The following MYPN variants were observed in gnomAD, a reference collection of about 807,000 sequenced individuals.
MYPN encodes the protein sarcomeric protein myopalladin, 145 kDa (MYOP).
Under a neutral mutation model 129.4 loss-of-function variants are expected in MYPN, and 63 were observed. The observed-to-expected ratio is 0.49, with a 90% CI of 0.40 to 0.60. The LOEUF (loss-of-function observed/expected upper bound fraction) is 0.60. Ranked by LOEUF, MYPN falls within the 20% of genes least tolerant of loss-of-function variation. The pLI, the probability that MYPN is intolerant of heterozygous loss-of-function variation, is 0.00. For missense variants in MYPN, 1,596 were observed against 1,635.4 expected, an observed-to-expected ratio of 0.98 and a Z score of 0.42; for synonymous variants, 629 against 600.9, an observed-to-expected ratio of 1.05 and a Z score of -0.68.
intron 6 of MYPN, among the ~76,000 whole-genome samples, chr10:68,154,826 T>G (rs1488288029): frequency 1.3e-5 from 2 of 152,226 alleles, no homozygotes; most frequent in African/African-American, 4.8e-5. Context: ...CAACTCACGT[T>G]TATAGCAGTG....
intron 18 of MYPN, among the ~76,000 whole-genome samples, chr10:68,203,716 C>CAGAGAGAGAGAG (rs1281760692): frequency 1.3e-5 from 1 of 76,766 alleles, no homozygotes; most frequent in Admixed American, 1.4e-4. Flanking sequence ...CACACATACA[C>CAGAGAGAGAGAG]ACACAGAGAG....
chr10:68,166,631 G>A lies in MYPN; in HGVS notation c.1938G>A (p.Val646=), dbSNP rs776043765. The change falls in exon 10 of 20, where the codon GTG becomes GTA. Residue 646 remains valine, a synonymous_variant. Transcript: ENST00000358913. ...ATKTPEPSSP[V]KEPPPVLAKP... ...AAACCCCAGAGCCTTCTTCCCCCGT[G>A]AAAGAGCCCCCTCCAGTTCTGGCCA... 3 of 1,613,948 alleles carry A rather than the reference G, an allele frequency of 1.9e-6. No individual in the cohort carries two copies. The highest frequency in any genetic ancestry group is 2.5e-6 in the Non-Finnish European group (3 of 1,180,026).
At chr10:68,089,422 A>G (rs1408913091) in intron 1 of MYPN, among the ~76,000 whole-genome samples, 1 of 152,094 alleles carries the variant, frequency 6.6e-6, no homozygotes, top group East Asian at 1.9e-4. Context: ...GCTCACTGCA[A>G]GCTCCGTTTC....
At chr10:68,111,923 A>T (rs1283923777) in intron 1 of MYPN, among the ~76,000 whole-genome samples, 1 of 152,234 alleles carries the variant, frequency 6.6e-6, no homozygotes, top group East Asian at 1.9e-4. Flanking sequence ...ATGTCAATTT[A>T]ATTAGGGAAG....
intron 2 of MYPN, among the ~76,000 whole-genome samples, chr10:68,129,547 G>T (rs1777659639): frequency 6.6e-6 from 1 of 152,178 alleles, no homozygotes; most frequent in African/African-American, 2.4e-5. Flanking sequence ...CATTACAAAT[G>T]TTCTAGTATG....
chr10:68,122,429 C>T, intron 2 of MYPN, 89 bp downstream of exon 2: 1 of 1,376,574 alleles, frequency 7.3e-7, no homozygotes, highest in East Asian at 2.3e-5. Context: ...ACCTGGTTTA[C>T]AAAATTATAT....
At chr10:68,202,943 C>T (rs371463726) in intron 18 of MYPN, among the ~76,000 whole-genome samples, 25 of 152,294 alleles carry the variant, frequency 1.6e-4, no homozygotes, top group East Asian at 7.7e-4. Context: ...TGGGTTAATG[C>T]TCCAATCTAA....
At chr10:68,194,328 AAAAC>A in intron 13 of MYPN, 31 bp from the exon 14 acceptor site, 1 of 1,609,786 alleles carries the variant, frequency 6.2e-7, no homozygotes, top group African/African-American at 1.3e-5. Flanking sequence ...AAAGATAAAC[AAAAC>A]AGTGTACATC....
At position 68,136,270 on chromosome 10, in the gene MYPN, CCTTTT is replaced by C. The variant is rs534216513; in HGVS notation, c.903-6665_903-6661del. ...CCATCCTTGTGCGTGAAAGGTGGGT[CCTTTT>C]CTTTAACCATCTGGACCTGCCCTAT... is the stretch of plus-strand genomic sequence containing the variant. On this transcript the variant is annotated intron_variant, in intron 2 of 19. Transcript: ENST00000358913. The C allele has an allele frequency of 7.7e-4, 760 of 988,568 alleles. 2 individuals are homozygous for C. In the African/African-American group the frequency reaches 0.012, roughly 16 times the overall value. The allele number at this position is 988,568 out of a possible 1,614,324, so 61.2% of individuals were successfully genotyped here. A position where few individuals can be genotyped will look rare whatever the true frequency, so the allele number is the denominator to read the frequency against.
chr10:68,162,428 G>A (rs923183876), intron 8 of MYPN, among the ~76,000 whole-genome samples: 1 of 152,140 alleles, frequency 6.6e-6, no homozygotes, highest in Non-Finnish European at 1.5e-5. Flanking sequence ...CAAAACTTAT[G>A]CATCATCAGA....
At chr10:68,196,507 G>A (rs1373137547) in intron 15 of MYPN, among the ~76,000 whole-genome samples, 1 of 34,338 alleles carries the variant, frequency 2.9e-5, no homozygotes, top group African/African-American at 5.2e-5. Flanking sequence ...TTTTGAGATG[G>A]GGGTCTCACT....
chr10:68,112,324 G>T (rs115247459), intron 1 of MYPN, among the ~76,000 whole-genome samples: 1 of 152,050 alleles, frequency 6.6e-6, no homozygotes. Context: ...TTTCACTAGC[G>T]CTTCCCTACA....
At chr10:68,140,952 G>A (rs922677818) in intron 2 of MYPN, among the ~76,000 whole-genome samples, 2 of 152,118 alleles carry the variant, frequency 1.3e-5, no homozygotes, top group African/African-American at 4.8e-5. Flanking sequence ...CGTGCCTGTG[G>A]CCCCAGCTAC....
At chr10:68,109,160 T>C (rs2042047385), upstream of MYPN, 1 of 163,554 alleles carries the variant, frequency 6.1e-6, no homozygotes, top group Non-Finnish European at 1.3e-5. Context: ...AATGTATCAG[T>C]GATTTAATGA....
At chr10:68,175,220 G>A (rs1400506601) in intron 11 of MYPN, 103 bp from the exon 12 acceptor site, 3 of 1,249,700 alleles carry the variant, frequency 2.4e-6, no homozygotes, top group African/African-American at 2.9e-5. Context: ...AGTGCCTAAT[G>A]ACCGCTGGTT....
At chr10:68,095,258 G>A (rs1459334681) in intron 1 of MYPN, among the ~76,000 whole-genome samples, 1 of 151,122 alleles carries the variant, frequency 6.6e-6, no homozygotes, top group Non-Finnish European at 1.5e-5. Flanking sequence ...GCTGAGGTGG[G>A]AAGATTGCTT....
intron 12 of MYPN, among the ~76,000 whole-genome samples, chr10:68,183,447 G>A (rs2043371453): frequency 6.6e-6 from 1 of 151,896 alleles, no homozygotes; most frequent in African/African-American, 2.4e-5. Context: ...GGGCAGTAGA[G>A]CCAGACCTTG....
intron 6 of MYPN, among the ~76,000 whole-genome samples, chr10:68,155,594 G>C (rs2042858642): frequency 6.6e-6 from 1 of 152,180 alleles, no homozygotes; most frequent in Non-Finnish European, 1.5e-5. Flanking sequence ...TACACCCCAT[G>C]CCATTAGTAA....
At chr10:68,177,715 T>C (rs1013039930) in intron 12 of MYPN, among the ~76,000 whole-genome samples, 4 of 152,182 alleles carry the variant, frequency 2.6e-5, no homozygotes, top group African/African-American at 7.2e-5. Context: ...TGTGTATTGA[T>C]AGTCGTCTAG....
Sources: gnomAD v4.1 joint callset for allele counts (sites outside exome capture counted in the v4.1 genomes callset) on GRCh38, gnomAD v4.1.1 for gene constraint, MANE v1.5 for transcripts, NCBI Gene and HGNC (gene_info 2026-07-23, HGNC 2026-07-21) for gene names.